The following ANKRD6 variants were observed in gnomAD, a reference collection of about 807,000 sequenced individuals.
ANKRD6 encodes ankyrin repeat domain 6.
ANKRD6 carries 56 observed loss-of-function variants against 82.3 expected under a neutral mutation model. The observed-to-expected ratio is 0.68, with a 90% CI of 0.55 to 0.85. ANKRD6 has a LOEUF of 0.85. Among genes scored for constraint, ANKRD6 ranks in the 40% least tolerant of loss-of-function variants. The pLI, the probability that ANKRD6 is intolerant of heterozygous loss-of-function variation, is 0.00. For missense variants in ANKRD6, 852 were observed against 907.6 expected, an observed-to-expected ratio of 0.94 and a Z score of 0.79; for synonymous variants, 347 against 352.1, an observed-to-expected ratio of 0.99 and a Z score of 0.16.
At chr6:89,609,071 A>T (rs1318256521) in intron 5 of ANKRD6, among the ~76,000 whole-genome samples, 1 of 151,922 alleles carries the variant, frequency 6.6e-6, no homozygotes. Flanking sequence ...CCGAAGACCC[A>T]CTGGGCTGCT....
chr6:89,585,084 G>A (rs1474010924), intron 2 of ANKRD6, among the ~76,000 whole-genome samples: 1 of 152,112 alleles, frequency 6.6e-6, no homozygotes, highest in Non-Finnish European at 1.5e-5. Flanking sequence ...CAAACATTTA[G>A]TCCATAACAA....
intron 1 of ANKRD6, among the ~76,000 whole-genome samples, chr6:89,462,842 T>A (rs1774355740): frequency 6.6e-6 from 1 of 151,906 alleles, no homozygotes; most frequent in Admixed American, 6.6e-5. Flanking sequence ...CCCCTATGTA[T>A]TGACCACCAA....
At chr6:89,438,590 A>C (rs1416113656) in intron 1 of ANKRD6, among the ~76,000 whole-genome samples, 1 of 152,188 alleles carries the variant, frequency 6.6e-6, no homozygotes, top group Non-Finnish European at 1.5e-5. Context: ...TTTGTACAAT[A>C]AGGTGCTAGT....
At chr6:89,477,984 G>A (rs1776283432) in intron 1 of ANKRD6, among the ~76,000 whole-genome samples, 2 of 151,942 alleles carry the variant, frequency 1.3e-5, no homozygotes, top group African/African-American at 4.8e-5. Flanking sequence ...AATTATCTCT[G>A]TCCTCAAATT....
At chr6:89,606,182 C>A in intron 5 of ANKRD6, 77 bp downstream of exon 5, 1 of 1,234,690 alleles carries the variant, frequency 8.1e-7, no homozygotes, top group South Asian at 1.6e-5. Flanking sequence ...TGGGAGCCTT[C>A]TTCCAGTGAG....
At chr6:89,529,179 C>T (rs78524108) in intron 1 of ANKRD6, among the ~76,000 whole-genome samples, 8,793 of 152,270 alleles carry the variant, frequency 0.058, 285 homozygotes, top group South Asian at 0.13. Flanking sequence ...CAGTAGAAGG[C>T]TGATTCATGT....
chr6:89,517,520 T>C (rs1390797019), intron 1 of ANKRD6, among the ~76,000 whole-genome samples: 3 of 152,174 alleles, frequency 2.0e-5, no homozygotes, highest in Non-Finnish European at 4.4e-5. Flanking sequence ...TGTTGTAGTA[T>C]AATGTCGAAA....
At chr6:89,602,151 C>T (rs1283742720) in intron 3 of ANKRD6, 1 of 152,310 alleles carries the variant, frequency 6.6e-6, no homozygotes, top group Non-Finnish European at 1.5e-5. Context: ...TCCACACTGC[C>T]CACCCATCCT....
intron 1 of ANKRD6, among the ~76,000 whole-genome samples, chr6:89,475,587 A>T (rs1056924038): frequency 6.6e-6 from 1 of 152,218 alleles, no homozygotes; most frequent in African/African-American, 2.4e-5. Context: ...ATAGGTTTTT[A>T]AATTTAGTAG....
chr6:89,630,647 G>A lies in ANKRD6; in HGVS notation c.1827G>A (p.Gln609=), dbSNP rs369321635. The A allele has an allele frequency of 6.2e-7, 1 of 1,612,828 alleles. No homozygotes were observed. Among genetic ancestry groups the A allele is most frequent in the Non-Finnish European group, 8.5e-7 (1 of 1,179,052 alleles). The part of the protein sequence containing the change: ...PMNEAARSDQ[Q]AGPCVNRGTQ... ...ATGAGGCAGCCAGATCTGATCAGCA[G>A]GCTGGGCCCTGCGTCAACAGAGGCA... is the stretch of plus-strand genomic sequence containing the variant. The change falls in exon 16 of 16, where the codon CAG becomes CAA. Residue 609 remains glutamine (Q), a synonymous_variant. Transcript: ENST00000339746.
At chr6:89,596,139 T>A in intron 3 of ANKRD6, 125 bp downstream of exon 3, 1 of 809,982 alleles carries the variant, frequency 1.2e-6, no homozygotes, top group Non-Finnish European at 2.0e-6. Flanking sequence ...TTTAGCTGCA[T>A]CTTGGTCTCT....
At chr6:89,508,182 G>A (rs1052023144) in intron 1 of ANKRD6, among the ~76,000 whole-genome samples, 1 of 152,084 alleles carries the variant, frequency 6.6e-6, no homozygotes, top group South Asian at 2.1e-4. Context: ...GTTTTTGTGC[G>A]CCAGGAATCC....
chr6:89,497,763 A>G (rs934542381), intron 1 of ANKRD6, among the ~76,000 whole-genome samples: 2 of 152,156 alleles, frequency 1.3e-5, no homozygotes, highest in Admixed American at 6.5e-5. Context: ...ATAACTATGC[A>G]GTTTGGTGAT....
At chr6:89,439,870 T>C (rs1771144696) in intron 1 of ANKRD6, among the ~76,000 whole-genome samples, 1 of 152,134 alleles carries the variant, frequency 6.6e-6, no homozygotes, top group African/African-American at 2.4e-5. Flanking sequence ...TTAATTTTTG[T>C]ATTTTTAGTA....
chr6:89,438,766 C>A (rs138876053), intron 1 of ANKRD6, among the ~76,000 whole-genome samples: 1 of 152,168 alleles, frequency 6.6e-6, no homozygotes, highest in African/African-American at 2.4e-5. Flanking sequence ...CCTCAGCCTC[C>A]TGAGTAGCTA....
At chr6:89,596,073 A>T in intron 3 of ANKRD6, 59 bp downstream of exon 3, 1 of 1,432,838 alleles carries the variant, frequency 7.0e-7, no homozygotes, top group Non-Finnish European at 9.7e-7. Flanking sequence ...TCTGGCTAGA[A>T]ATCCACAAAG....
intron 1 of ANKRD6, among the ~76,000 whole-genome samples, chr6:89,438,067 AGCT>A (rs1409306081): frequency 6.6e-6 from 1 of 152,226 alleles, no homozygotes; most frequent in Non-Finnish European, 1.5e-5. Context: ...GTAACCTGCA[AGCT>A]CTTCTTATAC....
intron 1 of ANKRD6, among the ~76,000 whole-genome samples, chr6:89,435,302 C>T (rs900572474): frequency 3.3e-5 from 5 of 152,160 alleles, no homozygotes; most frequent in Admixed American, 6.5e-5. Flanking sequence ...ACTAGAACAT[C>T]GCCAGGCCCC....
In ANKRD6 at chr6:89,629,196, T is replaced by A. The variant is rs921975525; in HGVS notation, c.1570T>A (p.Cys524Ser). Residue 524 changes from cysteine to serine, a missense_variant, in exon 15 of 16, where the codon TGC becomes AGC. Physicochemically the swap from Cys to Ser is moderately radical, Grantham distance 112. Coordinates refer to ENST00000339746, the MANE Select transcript of ANKRD6 (RefSeq NM_001242809.2). ...GAAGCTTTCTGGAGATTCTAGGGCC[T>A]GCAGAGCTAAATCCACACCATCTAC... ...EQKLSGDSRA[C>S]RAKSTPSTCE... The A allele has an allele frequency of 3.1e-6, 5 of 1,613,762 alleles. No homozygotes were observed. The African/African-American group carries it at 6.7e-5, about 22-fold the overall frequency.
Sources: gnomAD v4.1 joint callset for allele counts (sites outside exome capture counted in the v4.1 genomes callset) on GRCh38, gnomAD v4.1.1 for gene constraint, MANE v1.5 for transcripts, NCBI Gene and HGNC (gene_info 2026-07-23, HGNC 2026-07-21) for gene names.